FAF1: variants seen among roughly 807,000 people sequenced by gnomAD.
FAF1 encodes Fas associated factor 1, also known as FAS-associated factor 1.
A neutral mutation model predicts 92.5 loss-of-function variants in FAF1; 25 were observed. The observed-to-expected ratio is 0.27, with a 90% confidence interval of 0.20 to 0.38. FAF1 has a LOEUF of 0.38. FAF1 is among the 10% of genes least tolerant of loss of function. The probability of loss-of-function intolerance (pLI) is 1.00; values close to 1 mark genes in which losing one functional copy is unlikely to be tolerated. For synonymous variants in FAF1, 234 were observed against 273.2 expected, an observed-to-expected ratio of 0.86 and a Z score of 1.42; for missense variants, 636 against 793.3, an observed-to-expected ratio of 0.80 and a Z score of 2.38.
chr1:50,596,065 G>A (rs760787661), intron 9 of FAF1, 56 bp downstream of exon 9: 473 of 1,109,612 alleles, frequency 4.3e-4, no homozygotes, highest in Non-Finnish European at 5.8e-4. Context: ...AGGGAAGTGC[G>A]CAGGTAGGTG....
At chr1:50,448,401 G>C (rs977101876) in intron 18 of FAF1, among the ~76,000 whole-genome samples, 1 of 152,092 alleles carries the variant, frequency 6.6e-6, no homozygotes, top group African/African-American at 2.4e-5. Flanking sequence ...GTTGTTGTGA[G>C]GGTCAATAAT....
rs112259013 is a variant in FAF1, at chr1:50,944,055, T to G, written c.45+15712A>C. Among the ~76,000 whole-genome samples the G allele has an allele frequency of 1.9e-3, 295 of 152,334 alleles. 2 individuals carry two copies. Among genetic ancestry groups the G allele is most frequent in the African/African-American group, 6.7e-3 (279 of 41,580 alleles). On this transcript the variant is annotated intron_variant, in intron 1 of 18. Transcript: ENST00000396153. Reference sequence around the variant, plus strand: ...CAGTCAGTCCAATCTGTCCCATTTGTCCAGGCCATAAGCCAGGTGGCCAAA... The same window carrying G: ...CAGTCAGTCCAATCTGTCCCATTTGGCCAGGCCATAAGCCAGGTGGCCAAA...
chr1:50,936,698 T>C (rs1276140653), intron 1 of FAF1, among the ~76,000 whole-genome samples: 4 of 151,986 alleles, frequency 2.6e-5, no homozygotes, highest in African/African-American at 7.3e-5. Context: ...TAATGGATAG[T>C]GAAAACCAAG....
intron 15 of FAF1, among the ~76,000 whole-genome samples, chr1:50,502,025 T>C (rs1403809202): frequency 6.6e-6 from 1 of 152,252 alleles, no homozygotes; most frequent in East Asian, 1.9e-4. Flanking sequence ...AAAGCAGCAG[T>C]AGTGGCTTTT....
At chr1:50,905,078 A>T (rs528164287) in intron 1 of FAF1, among the ~76,000 whole-genome samples, 82 of 151,736 alleles carry the variant, frequency 5.4e-4, no homozygotes, top group Admixed American at 1.2e-3. Flanking sequence ...GATGTTCCCC[A>T]CCCTGTGTCC....
chr1:50,956,943 C>T (rs1050971085), intron 1 of FAF1, among the ~76,000 whole-genome samples: 10 of 152,080 alleles, frequency 6.6e-5, no homozygotes, highest in African/African-American at 2.4e-4. Flanking sequence ...AGTGAAACTC[C>T]ATCTCAGAAA....
rs565143282 is a variant in FAF1 at position 50,953,743 on chromosome 1, C to CA, written c.45+6023dup. On this transcript the variant is annotated intron_variant, in intron 1 of 18. Coordinates refer to ENST00000396153, the MANE Select transcript of FAF1 (RefSeq NM_007051.3). The stretch of plus-strand genomic sequence containing the variant: ...AACAAAAGCGAAACTCTGTCTCAAA[C>CA]AAAAAAAAAGAAAGAAAAGAAAATT... Among the ~76,000 whole-genome samples, 56 of 146,620 alleles carry CA rather than the reference C, an allele frequency of 3.8e-4. No homozygotes were observed. The South Asian group carries it at 5.0e-3, about 13-fold the overall frequency.
intron 1 of FAF1, among the ~76,000 whole-genome samples, chr1:50,940,836 A>C (rs1432947923): frequency 1.3e-5 from 2 of 152,214 alleles, no homozygotes; most frequent in Non-Finnish European, 2.9e-5. Flanking sequence ...TAAGCAGTCA[A>C]TAAGCTCTCA....
chr1:50,489,752 T>G (rs952551142), intron 17 of FAF1, among the ~76,000 whole-genome samples: 18 of 152,182 alleles, frequency 1.2e-4, no homozygotes, highest in African/African-American at 4.3e-4. Context: ...TTCCCATATT[T>G]GGGAGCTCAA....
In FAF1 at chr1:50,779,991, G is replaced by GACACACACACACACACACAC. The variant is rs57528056; in HGVS notation, c.367+7989_367+8008dup. 3.4e-5 allele frequency among the ~76,000 whole-genome samples: 5 copies of GACACACACACACACACACAC among 145,532 alleles called. No homozygotes were observed. In the South Asian group the frequency reaches 1.1e-3, roughly 32 times the overall value. Reference sequence around the variant, plus strand: ...ACAAGCACACATGCACAGACAGACAGACACACACACACACACACACACACA... The same window carrying GACACACACACACACACACAC: ...ACAAGCACACATGCACAGACAGACAGACACACACACACACACACACACACACACACACACACACACACACA... On this transcript the variant is annotated intron_variant, in intron 4 of 18. Coordinates refer to ENST00000396153, the MANE Select transcript of FAF1 (RefSeq NM_007051.3).
intron 12 of FAF1, among the ~76,000 whole-genome samples, chr1:50,580,326 A>G (rs960602170): frequency 2.6e-5 from 4 of 151,912 alleles, no homozygotes; most frequent in African/African-American, 4.8e-5. Flanking sequence ...CACAAATCCA[A>G]ATAAGTATAA....
At chr1:50,612,429 G>A in intron 8 of FAF1, 3 of 1,133,420 alleles carry the variant, frequency 2.6e-6, no homozygotes, top group Admixed American at 4.6e-5. Flanking sequence ...ATTAATCAGT[G>A]GTCATTTCAG....
intron 17 of FAF1, among the ~76,000 whole-genome samples, chr1:50,485,821 C>T (rs575375115): frequency 1.0e-3 from 157 of 151,640 alleles, no homozygotes; most frequent in African/African-American, 3.4e-3. Flanking sequence ...TGGTGGAAGG[C>T]GAAGGGGAAG....
In FAF1 at chr1:50,490,919, G is replaced by A. The variant is rs144911656; in HGVS notation, c.1576-254C>T. On this transcript the variant is annotated intron_variant, in intron 16 of 18. Coordinates refer to ENST00000396153, the MANE Select transcript of FAF1 (RefSeq NM_007051.3). The stretch of plus-strand genomic sequence containing the variant: ...ATTCAAATACCTTTGATAGCTCTGG[G>A]TAAAGTGGCATTCAAGATCCTTCAG... Among the ~76,000 whole-genome samples the A allele has an allele frequency of 6.6e-3, 1,012 of 152,182 alleles. 15 individuals carry two copies. Among genetic ancestry groups the A allele is most frequent in the African/African-American group, 0.023 (946 of 41,518 alleles).
At chr1:50,576,487 G>C (rs1364585306) in intron 12 of FAF1, among the ~76,000 whole-genome samples, 1 of 152,154 alleles carries the variant, frequency 6.6e-6, no homozygotes, top group South Asian at 2.1e-4. Flanking sequence ...CTGCCATTGA[G>C]ATTTTTATTC....
At chr1:50,585,532 T>A (rs1651185518) in intron 9 of FAF1, among the ~76,000 whole-genome samples, 1 of 152,174 alleles carries the variant, frequency 6.6e-6, no homozygotes, top group Admixed American at 6.5e-5. Flanking sequence ...ATTCTCTAGG[T>A]TAGAATGTGA....
At chr1:50,858,028 A>G (rs1644403674) in intron 1 of FAF1, 31 bp from the exon 2 acceptor site, 3 of 1,509,672 alleles carry the variant, frequency 2.0e-6, no homozygotes, top group Non-Finnish European at 9.0e-7. Context: ...CATTTTACAT[A>G]TAATTTTAGA....
At chr1:50,585,708 A>G (rs1273788975) in intron 9 of FAF1, among the ~76,000 whole-genome samples, 2 of 152,078 alleles carry the variant, frequency 1.3e-5, no homozygotes, top group Non-Finnish European at 2.9e-5. Flanking sequence ...TAAAATTTCT[A>G]TCTTTTAAAA....
intron 7 of FAF1, among the ~76,000 whole-genome samples, chr1:50,662,227 C>T (rs1569706416): frequency 6.6e-6 from 1 of 152,180 alleles, no homozygotes; most frequent in East Asian, 1.9e-4. Context: ...CAATGAAGAT[C>T]TGTTTCAAGA....
Sources: allele counts gnomAD v4.1 joint callset (sites outside exome capture counted in the v4.1 genomes callset), GRCh38; gene constraint gnomAD v4.1.1; transcripts MANE v1.5; gene names NCBI Gene and HGNC (gene_info 2026-07-23, HGNC 2026-07-21).